Variants in KCNJ6 observed in about 807,000 individuals in gnomAD.
KCNJ6 encodes the protein potassium inwardly rectifying channel subfamily J member 6.
KCNJ6 carries 9 observed loss-of-function variants against 34.2 expected under a neutral mutation model. The ratio of observed to expected loss-of-function variants is 0.26; its 90% CI spans 0.16 to 0.46. The LOEUF (loss-of-function observed/expected upper bound fraction) is 0.46. Ranked by LOEUF, KCNJ6 falls within the 20% of genes least tolerant of loss-of-function variation. The probability of loss-of-function intolerance (pLI) is 1.00; values close to 1 mark genes in which losing one functional copy is unlikely to be tolerated. For synonymous variants in KCNJ6, 196 were observed against 207.1 expected (o/e 0.95, Z 0.46); for missense variants, 236 against 531.3 (o/e 0.44, Z 5.46).
chr21:37,763,710 C>T (rs1217791458), intron 2 of KCNJ6, among the ~76,000 whole-genome samples: 2 of 152,152 alleles, frequency 1.3e-5, no homozygotes, highest in Non-Finnish European at 2.9e-5. Flanking sequence ...ATGTTCCCCA[C>T]CCTGTGTGCA....
chr21:37,789,493 T>C (rs2055207161), intron 2 of KCNJ6, among the ~76,000 whole-genome samples: 1 of 152,196 alleles, frequency 6.6e-6, no homozygotes, highest in South Asian at 2.1e-4. Flanking sequence ...ATCTTGGACT[T>C]CCAGCCCCTA....
chr21:37,761,845 T>C (rs1041863310), intron 2 of KCNJ6, among the ~76,000 whole-genome samples: 1 of 152,116 alleles, frequency 6.6e-6, no homozygotes, highest in African/African-American at 2.4e-5. Flanking sequence ...TGCGTGTCTG[T>C]GTGCGGTGCA....
intron 2 of KCNJ6, among the ~76,000 whole-genome samples, chr21:37,809,346 A>AG: frequency 6.6e-6 from 1 of 150,554 alleles, no homozygotes; most frequent in Middle Eastern, 3.4e-3. Flanking sequence ...GGACACAGGA[A>AG]GGGGAACATC....
At chr21:37,888,275 CT>C (rs1251320223) in intron 1 of KCNJ6, among the ~76,000 whole-genome samples, 2 of 152,214 alleles carry the variant, frequency 1.3e-5, no homozygotes, top group East Asian at 3.9e-4. Flanking sequence ...CCACATCATT[CT>C]CAGTAATTCC....
intron 2 of KCNJ6, among the ~76,000 whole-genome samples, chr21:37,758,047 T>C (rs2055040117): frequency 6.6e-6 from 1 of 152,030 alleles, no homozygotes; most frequent in Admixed American, 6.5e-5. Flanking sequence ...GTGGGGATGG[T>C]GAGGGAGGAG....
intron 1 of KCNJ6, among the ~76,000 whole-genome samples, chr21:37,897,720 C>A (rs2055796008): frequency 6.6e-6 from 1 of 152,176 alleles, no homozygotes; most frequent in African/African-American, 2.4e-5. Context: ...AAGTCTCTGC[C>A]TTTGAAGTCC....
At chr21:37,866,130 C>A (rs779726456) in intron 1 of KCNJ6, among the ~76,000 whole-genome samples, 1 of 152,080 alleles carries the variant, frequency 6.6e-6, no homozygotes, top group South Asian at 2.1e-4. Flanking sequence ...GTTCTTTAAA[C>A]GCTGGCTTGA....
At chr21:37,660,676 G>A (rs1048809730) in intron 3 of KCNJ6, among the ~76,000 whole-genome samples, 29 of 152,172 alleles carry the variant, frequency 1.9e-4, no homozygotes, top group African/African-American at 5.3e-4. Context: ...GGGAGAAGGC[G>A]TGCTGGGACT....
chr21:37,634,115 C>A (rs899624859), intron 3 of KCNJ6, among the ~76,000 whole-genome samples: 1 of 152,186 alleles, frequency 6.6e-6, no homozygotes, highest in Non-Finnish European at 1.5e-5. Flanking sequence ...AGTTGTTATA[C>A]TTTGGATATT....
rs543381155 is a variant in KCNJ6 at position 37,758,513 on chromosome 21, G to A, written c.26-43382C>T. On this transcript the variant is annotated intron_variant, in intron 2 of 3. Transcript: ENST00000609713. ...TGATGTGAATTGCTTTTACCACTGCGGATTTCAAGATTATCGACCATTCAC... is the reference window on the plus strand; with the variant it reads ...TGATGTGAATTGCTTTTACCACTGCAGATTTCAAGATTATCGACCATTCAC... Among the ~76,000 whole-genome samples the A allele has an allele frequency of 2.0e-4, 31 of 152,244 alleles. 1 individual carries two copies. In the East Asian group the frequency reaches 4.4e-3, roughly 22 times the overall value.
intron 3 of KCNJ6, among the ~76,000 whole-genome samples, chr21:37,626,844 A>G (rs1257337471): frequency 6.6e-6 from 1 of 152,204 alleles, no homozygotes; most frequent in East Asian, 1.9e-4. Context: ...ATGGTAATAT[A>G]TTTATCTTTA....
At chr21:37,649,428 T>C (rs2054421877) in intron 3 of KCNJ6, among the ~76,000 whole-genome samples, 1 of 152,144 alleles carries the variant, frequency 6.6e-6, no homozygotes, top group Non-Finnish European at 1.5e-5. Context: ...TTAATGAACA[T>C]AGAATGAGAA....
At chr21:37,679,109 C>G (rs142024147) in intron 3 of KCNJ6, among the ~76,000 whole-genome samples, 9 of 152,278 alleles carry the variant, frequency 5.9e-5, no homozygotes, top group African/African-American at 1.9e-4. Context: ...GTCCACGTAG[C>G]AAGGAACTGA....
intron 2 of KCNJ6, among the ~76,000 whole-genome samples, chr21:37,774,614 C>T (rs969099905): frequency 1.3e-5 from 2 of 150,834 alleles, no homozygotes; most frequent in Admixed American, 6.7e-5. Flanking sequence ...GCTTTTTGTC[C>T]TTGCCATAGT....
chr21:37,733,681 A>C (rs1349799958), intron 2 of KCNJ6, among the ~76,000 whole-genome samples: 1 of 152,242 alleles, frequency 6.6e-6, no homozygotes, highest in East Asian at 1.9e-4. Context: ...TGATGCATTG[A>C]ATAAATTGCA....
At chr21:37,627,541 C>A (rs1036863280) in intron 3 of KCNJ6, among the ~76,000 whole-genome samples, 5 of 152,094 alleles carry the variant, frequency 3.3e-5, no homozygotes. Flanking sequence ...CTTTTTCCAC[C>A]AAGGAAGTAC....
chr21:37,646,926 G>C (rs2123382963), intron 3 of KCNJ6, among the ~76,000 whole-genome samples: 1 of 152,180 alleles, frequency 6.6e-6, no homozygotes, highest in East Asian at 1.9e-4. Flanking sequence ...GCCCACCTCA[G>C]CCTCCCAAAG....
At chr21:37,698,202 C>T (rs957034295) in intron 3 of KCNJ6, among the ~76,000 whole-genome samples, 1 of 152,230 alleles carries the variant, frequency 6.6e-6, no homozygotes, top group African/African-American at 2.4e-5. Flanking sequence ...CTCATCTCCC[C>T]CTTATTTTCT....
At chr21:37,784,480 T>C (rs1028823715) in intron 2 of KCNJ6, among the ~76,000 whole-genome samples, 1 of 152,150 alleles carries the variant, frequency 6.6e-6, no homozygotes, top group Non-Finnish European at 1.5e-5. Flanking sequence ...ACCTAGAACC[T>C]CAGAATATGA....
Sources: allele counts gnomAD v4.1 joint callset (sites outside exome capture counted in the v4.1 genomes callset), GRCh38; gene constraint gnomAD v4.1.1; transcripts MANE v1.5; gene names NCBI Gene and HGNC (gene_info 2026-07-23, HGNC 2026-07-21).